PSMB8: variants seen among roughly 807,000 people sequenced by gnomAD.
The protein encoded by PSMB8 is proteasome 20S subunit beta 8, also known as proteasome subunit beta type-8.
In PSMB8, 20 loss-of-function variants were observed where a neutral mutation model predicts 32.3. That is an observed-to-expected ratio of 0.62 (90% CI 0.44 to 0.90). PSMB8 has a LOEUF of 0.90. Ranked by LOEUF, PSMB8 falls within the 40% of genes least tolerant of loss-of-function variation. The probability of loss-of-function intolerance (pLI) is 0.00; values close to 1 mark genes in which losing one functional copy is unlikely to be tolerated. For missense variants in PSMB8, 342 were observed against 365.4 expected, an observed-to-expected ratio of 0.94 and a Z score of 0.52; for synonymous variants, 131 against 135.4, an observed-to-expected ratio of 0.97 and a Z score of 0.23.
chr6:32,844,268 G>A (rs1770163091), upstream of PSMB8: 1 of 1,613,556 alleles, frequency 6.2e-7, no homozygotes, highest in South Asian at 1.1e-5. Context: ...ATGGGTTACA[G>A]TAAGAGGTAC....
At chr6:32,841,492 C>T in intron 5 of PSMB8, 39 bp downstream of exon 5, 1 of 1,590,410 alleles carries the variant, frequency 6.3e-7, no homozygotes, top group Non-Finnish European at 8.6e-7. Flanking sequence ...CACCCGCCGA[C>T]TCCTCCCAGG....
Position 32,840,885 on chromosome 6 carries a change from G to T in PSMB8, c.*74C>A. The stretch of plus-strand genomic sequence containing the variant: ...CAGGCTAGGCCTCTTCTTCTCCTTG[G>T]ACTTAACGTGGCTTAGGTCCCTGAG... On this transcript the variant is annotated 3_prime_UTR_variant, in exon 6 of 6. Transcript: ENST00000374882. The T allele has an allele frequency of 7.6e-7, 1 of 1,310,854 alleles. No individual in the cohort carries two copies. The highest frequency in any genetic ancestry group is 1.1e-6 in the Non-Finnish European group (1 of 905,920). The allele number at this position is 1,310,854 out of a possible 1,614,324, so 81.2% of individuals were successfully genotyped here.
chr6:32,842,535 A>G lies in PSMB8; in HGVS notation c.407+137T>C, dbSNP rs190283082. Reference sequence around the variant, plus strand: ...GGCTGAGATTTGGGAGAAGGGTCTTATCACCAAAAAGCTGTTTTGTGAAAT... The same window carrying G: ...GGCTGAGATTTGGGAGAAGGGTCTTGTCACCAAAAAGCTGTTTTGTGAAAT... On this transcript the variant is annotated intron_variant, in intron 3 of 5. Coordinates refer to ENST00000374882, the MANE Select transcript of PSMB8 (RefSeq NM_148919.4). 372 of 931,064 alleles carry G rather than the reference A, an allele frequency of 4.0e-4. 3 individuals are homozygous for G. The Admixed American group carries it at 6.8e-3, about 17-fold the overall frequency. The allele number at this position is 931,064 out of a possible 1,614,324, so 57.7% of individuals were successfully genotyped here.
Position 32,842,962 on chromosome 6 carries a change from G to A in PSMB8, c.275C>T (p.Ala92Val). 6.2e-7 allele frequency: 1 copy of A among 1,613,314 alleles called. No homozygotes were observed. The highest frequency in any genetic ancestry group is 1.1e-5 in the South Asian group (1 of 91,082). The change falls in exon 2 of 6, where the codon GCC (alanine) becomes GTC (valine). Residue 92 changes from alanine (A) to valine (V), a missense_variant. Ala to Val is a moderately conservative substitution (Grantham distance 64, BLOSUM62 0). Transcript: ENST00000374882. ...HGVIAAVDSRASAGSYISALR... is the reference protein window; with the variant it reads ...HGVIAAVDSRVSAGSYISALR... ...CTCACTAATGTAGGACCCAGCTGAGGCCCGAGAATCCACTGCTGCAATCAC... is the reference window on the plus strand; with the variant it reads ...CTCACTAATGTAGGACCCAGCTGAGACCCGAGAATCCACTGCTGCAATCAC...
Position 32,842,955 on chromosome 6 carries a change from A to T in PSMB8, c.282T>A (p.Ala94=), listed in dbSNP as rs1385681265. 6.2e-7 allele frequency: 1 copy of T among 1,613,446 alleles called. No individual in the cohort carries two copies. Among genetic ancestry groups the T allele is most frequent in the Non-Finnish European group, 8.5e-7 (1 of 1,180,052 alleles). ...GTATACACTCACTAATGTAGGACCC[A>T]GCTGAGGCCCGAGAATCCACTGCTG... ...VIAAVDSRAS[A]GSYISALRVN... The change falls in exon 2 of 6, where the codon GCT becomes GCA. Residue 94 remains alanine, a synonymous_variant. Coordinates refer to ENST00000374882, the MANE Select transcript of PSMB8 (RefSeq NM_148919.4).
chr6:32,844,062 G>C, upstream of PSMB8: 1 of 1,590,848 alleles, frequency 6.3e-7, no homozygotes, highest in Non-Finnish European at 8.6e-7. Context: ...GCCACAGATC[G>C]AAGGGGAGGG....
intron 5 of PSMB8, 136 bp downstream of exon 5, chr6:32,841,395 G>T: frequency 2.2e-6 from 2 of 907,734 alleles, no homozygotes; most frequent in Non-Finnish European, 1.8e-6. Flanking sequence ...CCGTCACCAC[G>T]TCCGGCTAAT....
At position 32,843,097 on chromosome 6, in the gene PSMB8, G is replaced by C. The variant is rs1770036566; in HGVS notation, c.148-8C>G. On this transcript the variant is annotated splice_region_variant and splice_polypyrimidine_tract_variant and intron_variant, in intron 1 of 5. Transcript: ENST00000374882. Reference sequence around the variant, plus strand: ...CTGGAAGAATTCTGTGGGCTGATAAGAGAAAAGAGGTTGAGAAAGGCAATG... The same window carrying C: ...CTGGAAGAATTCTGTGGGCTGATAACAGAAAAGAGGTTGAGAAAGGCAATG... 1 of 1,612,976 alleles carries C rather than the reference G, an allele frequency of 6.2e-7. No homozygotes were observed. Among genetic ancestry groups the C allele is most frequent in the Non-Finnish European group, 8.5e-7 (1 of 1,179,948 alleles).
chr6:32,843,167 A>C, intron 1 of PSMB8, 78 bp from the exon 2 acceptor site: 2 of 1,516,550 alleles, frequency 1.3e-6, no homozygotes, highest in South Asian at 2.3e-5. Flanking sequence ...TTTAGGGAGT[A>C]TGAGGGTGAG....
Position 32,841,707 on chromosome 6 carries a change from T to C in PSMB8, c.566A>G (p.His189Arg), listed in dbSNP as rs1323476599. Reference sequence around the variant, plus strand: ...CATATTTCCTGAGAGCCGAGTCCCATGTTCATCCACGTAGTAGAGTCCAGG... The same window carrying C: ...CATATTTCCTGAGAGCCGAGTCCCACGTTCATCCACGTAGTAGAGTCCAGG... ...KGPGLYYVDE[H>R]GTRLSGNMFS... The change falls in exon 5 of 6, where the codon CAT becomes CGT. Residue 189 changes from histidine to arginine, a missense_variant. Transcript: ENST00000374882. 1.9e-6 allele frequency: 3 copies of C among 1,612,780 alleles called. No homozygotes were observed. Among genetic ancestry groups the C allele is most frequent in the East Asian group, 2.2e-5 (1 of 44,886 alleles).
At chr6:32,844,293 AT>A (rs1485783406), upstream of PSMB8, 4 of 1,613,888 alleles carry the variant, frequency 2.5e-6, no homozygotes, top group Non-Finnish European at 2.5e-6. Context: ...AGGCCCGGGC[AT>A]CCGCTGGAAA....
Position 32,842,761 on chromosome 6 carries a change from C to T in PSMB8, c.318G>A (p.Val106=). Residue 106 remains valine (V), a synonymous_variant, in exon 3 of 6, where the codon GTG becomes GTA. Transcript: ENST00000374882. ...SYISALRVNK[V]IEINPYLLGT... is the part of the protein sequence containing the mutation. ...CAAGCAGGTAAGGGTTAATCTCAAT[C>T]ACCTTGTTCACCCGTAAGGCACCTG... The T allele has an allele frequency of 6.2e-7, 1 of 1,614,222 alleles. No individual in the cohort carries two copies.
chr6:32,843,864 G>A lies in PSMB8; in HGVS notation c.133C>T (p.Pro45Ser), dbSNP rs776484021. The A allele has an allele frequency of 1.6e-5, 25 of 1,612,686 alleles. No individual in the cohort carries two copies. Among genetic ancestry groups the A allele is most frequent in the Non-Finnish European group, 2.0e-5 (24 of 1,180,012 alleles). Reference protein sequence around the residue: ...FSMRSPELALPRGMQPTEFFQ... With the variant: ...FSMRSPELALSRGMQPTEFFQ... ...ACTGCCCCGACCTGCATTCCCCGGG[G>A]TAAAGCGAGCTCTGGAGATCGCATA... The change falls in exon 1 of 6, where the codon CCC becomes TCC. Residue 45 changes from proline to serine, a missense_variant. Coordinates refer to ENST00000374882, the MANE Select transcript of PSMB8 (RefSeq NM_148919.4).
Position 32,841,466 on chromosome 6 carries a change from A to C in PSMB8, c.742+65T>G, listed in dbSNP as rs544942066. 181 of 1,529,952 alleles carry C rather than the reference A, an allele frequency of 1.2e-4. No individual in the cohort carries two copies. In the Middle Eastern group the frequency reaches 3.5e-3, roughly 29 times the overall value. The allele number at this position is 1,529,952 out of a possible 1,614,324, so 94.8% of individuals were successfully genotyped here. On this transcript the variant is annotated intron_variant, in intron 5 of 5. Transcript: ENST00000374882. ...TTGGCCAGGCTGGTTTCTCAATCTT[A>C]AATCACCCCCCCCACCACCCGCCGA...
Position 32,843,937 on chromosome 6 carries a change from CG to C in PSMB8, c.59del (p.Pro20ArgfsTer65). On this transcript the variant is annotated frameshift_variant, in exon 1 of 6. Transcript: ENST00000374882. LOFTEE classifies it high-confidence loss of function. ...PRGQRPESAL[P>X]VAGSGRRSDP... Reference sequence around the variant, plus strand: ...CCGAGCGACGCCCGCTTCCCGCAACCGGGAGAGCCGATTCCGGCCGCTGCCC... The same window carrying C: ...CCGAGCGACGCCCGCTTCCCGCAACCGGAGAGCCGATTCCGGCCGCTGCCC... 1.9e-6 allele frequency: 3 copies of C among 1,612,572 alleles called. No homozygotes were observed. Among genetic ancestry groups the C allele is most frequent in the Non-Finnish European group, 1.7e-6 (2 of 1,179,916 alleles).
rs754981723 is a variant in PSMB8 at position 32,842,260 on chromosome 6, C to G, written c.411G>C (p.Leu137=). Residue 137 remains leucine, a synonymous_variant, in exon 4 of 6, where the codon CTG becomes CTC. Transcript: ENST00000374882. The part of the protein sequence containing the change: ...WERLLAKECR[L]YYLRNGERIS... ...TACGTTCTCCATTTCGCAGATAGTA[C>G]AGCCTGGGTGAGGACAAGGTGGAGT... The G allele has an allele frequency of 6.2e-7, 1 of 1,613,124 alleles. No individual in the cohort carries two copies. Among genetic ancestry groups the G allele is most frequent in the South Asian group, 1.1e-5 (1 of 91,088 alleles).
intron 5 of PSMB8, 59 bp from the exon 6 acceptor site, chr6:32,841,106 C>G: frequency 7.1e-7 from 1 of 1,417,178 alleles, no homozygotes; most frequent in Non-Finnish European, 1.0e-6. Flanking sequence ...GTTCCTGTCA[C>G]TGATGTTATG....
At chr6:32,842,005 C>G (rs181510161) in intron 4 of PSMB8, 129 bp downstream of exon 4, 15 of 1,415,360 alleles carry the variant, frequency 1.1e-5, no homozygotes, top group Admixed American at 1.8e-5. Flanking sequence ...TATACTGAAA[C>G]AGTTCTATAA....
At chr6:32,844,600 TGTAGTCA>T, upstream of PSMB8, 1 of 648,828 alleles carries the variant, frequency 1.5e-6, no homozygotes, top group Non-Finnish European at 2.6e-6. Flanking sequence ...TCTCCTAACC[TGTAGTCA>T]CCCACAAGAG....
Sources: allele counts gnomAD v4.1 joint callset, GRCh38; gene constraint gnomAD v4.1.1; transcripts MANE v1.5; gene names NCBI Gene and HGNC (gene_info 2026-07-23, HGNC 2026-07-21).